ADRA1A: variants seen among roughly 807,000 people sequenced by gnomAD.
ADRA1A encodes the protein alpha-1A adrenergic receptor.
Under a neutral mutation model 29.6 loss-of-function variants are expected in ADRA1A, and 31 were observed. That is an observed-to-expected ratio of 1.05 (90% confidence interval 0.79 to 1.41). The LOEUF is 1.41. Among genes scored for constraint, ADRA1A ranks in the 40% most tolerant of loss-of-function variants. ADRA1A has a pLI of 0.00. For missense variants in ADRA1A, 619 were observed against 601.1 expected, an observed-to-expected ratio of 1.03 and a Z score of -0.31; for synonymous variants, 311 against 254.3, an observed-to-expected ratio of 1.22 and a Z score of -2.12.
chr8:26,818,803 A>G (rs1809950015), intron 2 of ADRA1A, among the ~76,000 whole-genome samples: 1 of 152,084 alleles, frequency 6.6e-6, no homozygotes, highest in South Asian at 2.1e-4. Flanking sequence ...TAAAAAAATT[A>G]AAATAAAAAA....
chr8:26,799,165 G>A (rs1007457134), intron 2 of ADRA1A, among the ~76,000 whole-genome samples: 4 of 151,218 alleles, frequency 2.6e-5, no homozygotes, highest in African/African-American at 9.8e-5. Flanking sequence ...CTCTTCTGCT[G>A]TAAAAAAAAA....
rs899193130 is a variant in ADRA1A, at chr8:26,805,223, C to T, written c.884-34557G>A. 1.5e-4 allele frequency among the ~76,000 whole-genome samples: 23 copies of T among 152,162 alleles called. No homozygotes were observed. The highest frequency in any genetic ancestry group is 9.2e-4 in the Admixed American group (14 of 15,270). ...GCCTACCTGGCTCTTCACGTGAAGT[C>T]GCCTTCCTCATTTGTCCACTCTCAA... On this transcript the variant is annotated intron_variant, in intron 2 of 2. Coordinates refer to ENST00000380573, the MANE Select transcript of ADRA1A (RefSeq NM_000680.4). This position sits in a 1 kb window ranked among gnomAD's most constrained non-coding sequence, Gnocchi z 4.8.
intron 2 of ADRA1A, among the ~76,000 whole-genome samples, chr8:26,830,823 G>A (rs536152166): frequency 2.4e-4 from 36 of 152,236 alleles, no homozygotes; most frequent in African/African-American, 8.2e-4. Flanking sequence ...TATTAAAATT[G>A]TTTCTGTAGC....
intron 2 of ADRA1A, among the ~76,000 whole-genome samples, chr8:26,803,997 C>T (rs1418287019): frequency 2.8e-5 from 4 of 143,176 alleles, no homozygotes; most frequent in Non-Finnish European, 6.0e-5. Context: ...TCATAGCTCA[C>T]TGCAACCTTG....
chr8:26,853,485 A>C (rs1391003917), intron 2 of ADRA1A, among the ~76,000 whole-genome samples: 2 of 152,232 alleles, frequency 1.3e-5, no homozygotes, highest in African/African-American at 4.8e-5. Flanking sequence ...TGTATTATGC[A>C]ACCACAGCCA....
intron 2 of ADRA1A, among the ~76,000 whole-genome samples, chr8:26,799,135 A>T (rs1808394003): frequency 6.6e-6 from 1 of 152,202 alleles, no homozygotes; most frequent in Non-Finnish European, 1.5e-5. Flanking sequence ...CAGTTATGAC[A>T]CAGTAATGGG....
At chr8:26,800,707 A>C (rs1002383688) in intron 2 of ADRA1A, among the ~76,000 whole-genome samples, 1 of 152,162 alleles carries the variant, frequency 6.6e-6, no homozygotes, top group African/African-American at 2.4e-5. Context: ...AATCCTACTC[A>C]AACTATTTCA....
chr8:26,818,570 T>C (rs1171069305), intron 2 of ADRA1A, among the ~76,000 whole-genome samples: 2 of 152,026 alleles, frequency 1.3e-5, no homozygotes, highest in African/African-American at 4.8e-5. Context: ...GGGGCAAAAT[T>C]TTCCTAGTTC....
At position 26,825,456 on chromosome 8, in the gene ADRA1A, A is replaced by G. The variant is rs984203648; in HGVS notation, c.883+38631T>C. Reference sequence around the variant, plus strand: ...AATTCCGCCCTACTTCGTTTCCTATAAGGGGACCAGGAACACTTTTCACTG... The same window carrying G: ...AATTCCGCCCTACTTCGTTTCCTATGAGGGGACCAGGAACACTTTTCACTG... On this transcript the variant is annotated intron_variant, in intron 2 of 2. Coordinates refer to ENST00000380573, the MANE Select transcript of ADRA1A (RefSeq NM_000680.4). The surrounding 1 kb of genome is among the most constrained non-coding windows in gnomAD (Gnocchi z 5.7). 6.6e-6 allele frequency among the ~76,000 whole-genome samples: 1 copy of G among 152,186 alleles called. No individual in the cohort carries two copies. The highest frequency in any genetic ancestry group is 1.9e-4 in the East Asian group (1 of 5,170).
rs1417353729 is a variant in ADRA1A, at chr8:26,841,681, TC to T, written c.883+22405del. Among the ~76,000 whole-genome samples the T allele has an allele frequency of 6.6e-6, 1 of 152,116 alleles. No homozygotes were observed. Among genetic ancestry groups the T allele is most frequent in the Non-Finnish European group, 1.5e-5 (1 of 68,024 alleles). On this transcript the variant is annotated intron_variant, in intron 2 of 2. Transcript: ENST00000380573. This position sits in a 1 kb window ranked among gnomAD's most constrained non-coding sequence, Gnocchi z 4.4. ...ACATTCAGCTGAAACTGTTCCTAGA[TC>T]CCAAACTCCTACCCTAGCACAAGAG...
At chr8:26,780,333 G>A (rs1806873409) in intron 2 of ADRA1A, among the ~76,000 whole-genome samples, 1 of 152,136 alleles carries the variant, frequency 6.6e-6, no homozygotes, top group South Asian at 2.1e-4. Context: ...GGAATTATGA[G>A]TTTCCAACAC....
intron 2 of ADRA1A, among the ~76,000 whole-genome samples, chr8:26,813,349 A>G (rs1396616586): frequency 6.6e-6 from 1 of 152,198 alleles, no homozygotes; most frequent in Non-Finnish European, 1.5e-5. Context: ...ACTATAAGGT[A>G]TCCTTTTGTT....
chr8:26,808,439 T>A (rs906580452), intron 2 of ADRA1A, among the ~76,000 whole-genome samples: 3 of 152,214 alleles, frequency 2.0e-5, no homozygotes, highest in African/African-American at 7.2e-5. Context: ...TTGAACAGTT[T>A]TTTTAACTTA....
chr8:26,842,825 G>C (rs575937052), intron 2 of ADRA1A, among the ~76,000 whole-genome samples: 33 of 150,708 alleles, frequency 2.2e-4, no homozygotes, highest in Admixed American at 1.1e-3. Context: ...GTCCCACCAA[G>C]TCTGGTTTTC....
rs201629138 is a variant in ADRA1A, at chr8:26,865,009, C to A, written c.-40G>T. 1.2e-5 allele frequency: 18 copies of A among 1,545,598 alleles called. No individual in the cohort carries two copies. The highest frequency in any genetic ancestry group is 9.4e-5 in the Admixed American group (5 of 53,010). On this transcript the variant is annotated 5_prime_UTR_variant, in exon 2 of 3. Transcript: ENST00000380573. The surrounding 1 kb of genome is among the most constrained non-coding windows in gnomAD (Gnocchi z 7.6). Reference sequence around the variant, plus strand: ...CCGGGCGAGGTCCGGCTGTCCAGGGCCACCTCCCGGGCTGGCGCGGAGGCG... The same window carrying A: ...CCGGGCGAGGTCCGGCTGTCCAGGGACACCTCCCGGGCTGGCGCGGAGGCG...
intron 2 of ADRA1A, among the ~76,000 whole-genome samples, chr8:26,786,556 T>A (rs1482361180): frequency 6.6e-6 from 1 of 151,950 alleles, no homozygotes; most frequent in Non-Finnish European, 1.5e-5. Flanking sequence ...CACAACCTGA[T>A]CTCTTGATCT....
chr8:26,842,079 AT>A (rs1463813947), intron 2 of ADRA1A, among the ~76,000 whole-genome samples: 2 of 152,056 alleles, frequency 1.3e-5, no homozygotes, highest in Non-Finnish European at 2.9e-5. Flanking sequence ...TCTTCACCAA[AT>A]GCCAATTATT....
At chr8:26,832,781 G>A (rs1274247616) in intron 2 of ADRA1A, among the ~76,000 whole-genome samples, 2 of 152,172 alleles carry the variant, frequency 1.3e-5, no homozygotes, top group Non-Finnish European at 2.9e-5. Context: ...AGGGAGGCAA[G>A]CAGGATGGGG....
chr8:26,856,892 A>G (rs1310239167), intron 2 of ADRA1A, among the ~76,000 whole-genome samples: 1 of 152,232 alleles, frequency 6.6e-6, no homozygotes, highest in Non-Finnish European at 1.5e-5. Flanking sequence ...GAAGCCTGGC[A>G]TATGGGAAGT....
Sources: gnomAD v4.1 joint callset for allele counts (sites outside exome capture counted in the v4.1 genomes callset) on GRCh38, gnomAD v4.1.1 for gene constraint, Gnocchi (gnomAD v3.1) non-coding constraint, MANE v1.5 for transcripts, NCBI Gene and HGNC (gene_info 2026-07-23, HGNC 2026-07-21) for gene names.